FMN1: variants seen among roughly 807,000 people sequenced by gnomAD.
FMN1 encodes the protein formin 1.
In FMN1, 110 loss-of-function variants were observed where a neutral mutation model predicts 132.4. The observed-to-expected ratio is 0.83, with a 90% CI of 0.71 to 0.97. The LOEUF (loss-of-function observed/expected upper bound fraction) is 0.97. Ranked by LOEUF, FMN1 falls within the 50% of genes least tolerant of loss-of-function variation. The pLI is 0.00. For synonymous variants in FMN1, 722 were observed against 651.7 expected, an observed-to-expected ratio of 1.11 and a Z score of -1.64; for missense variants, 1,792 against 1,705.3, an observed-to-expected ratio of 1.05 and a Z score of -0.90.
At chr15:33,097,315 A>AG (rs1190851269) in intron 4 of FMN1, among the ~76,000 whole-genome samples, 4 of 143,496 alleles carry the variant, frequency 2.8e-5, no homozygotes, top group African/African-American at 1.1e-4. Flanking sequence ...AAAAAAAAAA[A>AG]AAGAGAGAGA....
At chr15:33,003,841 C>T (rs995870508) in intron 7 of FMN1, among the ~76,000 whole-genome samples, 1 of 152,176 alleles carries the variant, frequency 6.6e-6, no homozygotes, top group African/African-American at 2.4e-5. Context: ...GGTACCAAAA[C>T]AGAGATATAG....
chr15:32,998,060 A>G (rs1052401968), intron 7 of FMN1, among the ~76,000 whole-genome samples: 3 of 152,226 alleles, frequency 2.0e-5, no homozygotes, highest in Non-Finnish European at 4.4e-5. Flanking sequence ...GAGACTGGCT[A>G]TAAGATGATA....
At chr15:32,786,467 C>T (rs2056881551) in intron 19 of FMN1, among the ~76,000 whole-genome samples, 1 of 152,050 alleles carries the variant, frequency 6.6e-6, no homozygotes, top group Admixed American at 6.6e-5. Flanking sequence ...TATGGTCTCC[C>T]TTCAGAAGAA....
chr15:32,949,705 G>A lies in FMN1; in HGVS notation c.3138+14402C>T, dbSNP rs76370643. Reference sequence around the variant, plus strand: ...ACAACAAAAGCAAAAATTAACAAACGGGATGTAATTAAACTAAAGAGCTCC... The same window carrying A: ...ACAACAAAAGCAAAAATTAACAAACAGGATGTAATTAAACTAAAGAGCTCC... On this transcript the variant is annotated intron_variant, in intron 9 of 20. Coordinates refer to ENST00000616417, the MANE Select transcript of FMN1 (RefSeq NM_001277313.2). Among the ~76,000 whole-genome samples the A allele has an allele frequency of 3.0e-3, 450 of 151,472 alleles. 2 individuals are homozygous for A. Among genetic ancestry groups the A allele is most frequent in the African/African-American group, 9.4e-3 (388 of 41,318 alleles).
At chr15:32,792,275 CA>C (rs11461605) in intron 19 of FMN1, among the ~76,000 whole-genome samples, 5,029 of 111,702 alleles carry the variant, frequency 0.045, 215 homozygotes, top group African/African-American at 0.14. Context: ...CAGTCTCTAC[CA>C]AAAAAAAAAA....
chr15:32,952,242 C>T (rs150730619), intron 9 of FMN1, among the ~76,000 whole-genome samples: 120 of 152,308 alleles, frequency 7.9e-4, no homozygotes, highest in African/African-American at 2.8e-3. Flanking sequence ...GCATTCTAAA[C>T]AAAGTATGCT....
At chr15:32,798,508 TAC>T (rs2057369781) in intron 19 of FMN1, among the ~76,000 whole-genome samples, 1 of 152,182 alleles carries the variant, frequency 6.6e-6, no homozygotes, top group Non-Finnish European at 1.5e-5. Context: ...AACATGAAAA[TAC>T]ACAGAGAAGC....
chr15:32,868,174 G>A (rs1351632723), intron 16 of FMN1, among the ~76,000 whole-genome samples: 1 of 152,158 alleles, frequency 6.6e-6, no homozygotes, highest in Non-Finnish European at 1.5e-5. Context: ...GAAAAATTCT[G>A]ATAGTCCGGT....
In FMN1 at chr15:32,898,321, T is replaced by C. The variant is rs945969060; in HGVS notation, c.3714+513A>G. 8.5e-5 allele frequency among the ~76,000 whole-genome samples: 13 copies of C among 152,166 alleles called. No homozygotes were observed. In the East Asian group the frequency reaches 1.3e-3, roughly 16 times the overall value. ...CTCAATTTAACAAGAAGGAATAAAA[T>C]AGAAAATTCTGCTCAGATGGACTCA... On this transcript the variant is annotated intron_variant, in intron 15 of 20. Transcript: ENST00000616417.
intron 5 of FMN1, among the ~76,000 whole-genome samples, chr15:33,082,093 ATGTGTGTGTGTGTGTGTG>A (rs61138142): frequency 5.8e-5 from 7 of 120,334 alleles, no homozygotes; most frequent in East Asian, 2.4e-4. Context: ...CTGGAAAACA[ATGTGTGTGTGTGTGTGTG>A]TGTGTGTGTG....
intron 5 of FMN1, chr15:33,067,922 T>G (rs749339652): frequency 1.3e-6 from 2 of 1,569,186 alleles, no homozygotes; most frequent in Non-Finnish European, 1.7e-6. Flanking sequence ...CTGACTTGTG[T>G]TACCTTCTCC....
rs1454076294 is a variant in FMN1, at chr15:32,770,784, G to C, written c.*3526C>G. On this transcript the variant is annotated 3_prime_UTR_variant, in exon 21 of 21. Coordinates refer to ENST00000616417, the MANE Select transcript of FMN1 (RefSeq NM_001277313.2). ...TTTGTTTTGGCTAGAACATTTAAAA[G>C]TGTAATAGCTCCACTGGGTTTCCTT... 1 of 152,056 alleles carries C rather than the reference G, an allele frequency of 6.6e-6. No homozygotes were observed. The highest frequency in any genetic ancestry group is 1.5e-5 in the Non-Finnish European group (1 of 68,010). 9.4% of individuals were successfully genotyped at this position (152,056 alleles called of 1,614,324 possible).
intron 4 of FMN1, among the ~76,000 whole-genome samples, chr15:33,100,435 G>C (rs531280185): frequency 6.6e-6 from 1 of 152,184 alleles, no homozygotes; most frequent in South Asian, 2.1e-4. Flanking sequence ...TGAAACGGGG[G>C]TTGACACCTA....
intron 9 of FMN1, among the ~76,000 whole-genome samples, chr15:32,929,524 T>G (rs533209162): frequency 6.6e-6 from 1 of 152,318 alleles, no homozygotes; most frequent in South Asian, 2.1e-4. Flanking sequence ...ATACAGCAGA[T>G]TTCTAGAACT....
At chr15:33,149,329 A>C (rs1964354880) in intron 4 of FMN1, among the ~76,000 whole-genome samples, 11 of 152,204 alleles carry the variant, frequency 7.2e-5, no homozygotes, top group Admixed American at 7.2e-4. Flanking sequence ...GTATTATTTT[A>C]TAACTCAAAT....
chr15:33,173,058 C>A (rs535887931), intron 3 of FMN1, among the ~76,000 whole-genome samples: 2 of 152,096 alleles, frequency 1.3e-5, no homozygotes, highest in East Asian at 1.9e-4. Flanking sequence ...AGCTGAAGAA[C>A]CTCATAATAA....
chr15:33,043,163 C>CTTTT (rs371781763), intron 6 of FMN1, among the ~76,000 whole-genome samples: 41,037 of 151,950 alleles, frequency 0.27, 5,713 homozygotes, highest in Non-Finnish European at 0.3. Context: ...AGAAGCTGAG[C>CTTTT]AGCGAGCCAT....
At chr15:32,914,070 G>C (rs1399734292) in intron 10 of FMN1, among the ~76,000 whole-genome samples, 1 of 152,120 alleles carries the variant, frequency 6.6e-6, no homozygotes, top group Admixed American at 6.5e-5. Flanking sequence ...CACACACTCG[G>C]TGTAGATTAT....
In FMN1 at chr15:33,057,710, TTCTCA is replaced by T. The variant is rs2037282323; in HGVS notation, c.2161+7242_2161+7246del. ...TTCCCTCTGAAATCATTTTCTACCTTTCTCATCTCATGTTCTCACCCCTTCATCAA... is the reference window on the plus strand; with the variant it reads ...TTCCCTCTGAAATCATTTTCTACCTTTCTCATGTTCTCACCCCTTCATCAA... On this transcript the variant is annotated intron_variant, in intron 6 of 20. Coordinates refer to ENST00000616417, the MANE Select transcript of FMN1 (RefSeq NM_001277313.2). Among the ~76,000 whole-genome samples the T allele has an allele frequency of 2.0e-5, 3 of 152,188 alleles. No homozygotes were observed. In the South Asian group the frequency reaches 6.2e-4, roughly 32 times the overall value.
Sources: allele counts gnomAD v4.1 joint callset (sites outside exome capture counted in the v4.1 genomes callset), GRCh38; gene constraint gnomAD v4.1.1; transcripts MANE v1.5; gene names NCBI Gene and HGNC (gene_info 2026-07-23, HGNC 2026-07-21).